The following ENPP2 variants were observed in gnomAD, a reference collection of about 807,000 sequenced individuals.
ENPP2 encodes the protein autotaxin.
In ENPP2, 51 loss-of-function variants were observed where a neutral mutation model predicts 120.2. The observed-to-expected ratio is 0.42, with a 90% CI of 0.34 to 0.54. The LOEUF (loss-of-function observed/expected upper bound fraction) is 0.54. Among genes scored for constraint, ENPP2 ranks in the 20% least tolerant of loss-of-function variants. The pLI is 0.04. For synonymous variants in ENPP2, 365 were observed against 366.4 expected (o/e 1.00, Z 0.04); for missense variants, 920 against 1,066.5 (o/e 0.86, Z 1.91).
At chr8:119,595,087 T>C (rs1333430255) in intron 11 of ENPP2, among the ~76,000 whole-genome samples, 1 of 152,244 alleles carries the variant, frequency 6.6e-6, no homozygotes, top group Non-Finnish European at 1.5e-5. Flanking sequence ...GAGAAAATCA[T>C]GCTCTGCTCC....
At chr8:119,605,634 A>ATT (rs11385264) in intron 9 of ENPP2, among the ~76,000 whole-genome samples, 61,886 of 143,496 alleles carry the variant, frequency 0.43, 13,549 homozygotes, top group African/African-American at 0.54. Context: ...CTAATTTTGT[A>ATT]TTTTTTTTTT....
chr8:119,655,744 C>T (rs945381856), intron 1 of ENPP2, among the ~76,000 whole-genome samples: 4 of 152,152 alleles, frequency 2.6e-5, no homozygotes, highest in Admixed American at 2.0e-4. Flanking sequence ...TGCAGGGGCT[C>T]ACAAAAGTTT....
At chr8:119,629,912 A>G (rs1311168435) in intron 2 of ENPP2, among the ~76,000 whole-genome samples, 2 of 152,210 alleles carry the variant, frequency 1.3e-5, no homozygotes, top group Non-Finnish European at 2.9e-5. Flanking sequence ...TCATTTCAAC[A>G]GCGTTCTAGT....
rs1482951351 is a variant in ENPP2 at position 119,644,598 on chromosome 8, A to G, written c.22-6071T>C. Among the ~76,000 whole-genome samples the G allele has an allele frequency of 8.4e-3, 738 of 88,104 alleles. 16 individuals are homozygous for G. The highest frequency in any genetic ancestry group is 0.029 in the African/African-American group (624 of 21,600). 57.8% of individuals were successfully genotyped at this position (88,104 alleles called of 152,430 possible). On this transcript the variant is annotated intron_variant, in intron 1 of 25. Coordinates refer to the ENPP2 transcript ENST00000427067. ...CTGGAGATTACTAAAATATATATAT[A>G]TATATATATATATATATATATATAT...
chr8:119,646,080 T>C (rs990591092), intron 1 of ENPP2, among the ~76,000 whole-genome samples: 19 of 151,982 alleles, frequency 1.3e-4, no homozygotes, highest in African/African-American at 4.6e-4. Flanking sequence ...GCGATTCTCC[T>C]GCCTCAGCCT....
intron 24 of ENPP2, among the ~76,000 whole-genome samples, chr8:119,560,494 T>C (rs1165155038): frequency 6.6e-6 from 1 of 152,188 alleles, no homozygotes; most frequent in Non-Finnish European, 1.5e-5. Context: ...TATAATATTG[T>C]TGTCTTCCAT....
intron 12 of ENPP2, among the ~76,000 whole-genome samples, chr8:119,591,634 A>C (rs1813514298): frequency 1.3e-5 from 2 of 152,178 alleles, no homozygotes; most frequent in African/African-American, 4.8e-5. Flanking sequence ...AAGGTTTTAA[A>C]ATAAGGAAAT....
chr8:119,634,349 T>C (rs1275568001), intron 2 of ENPP2, among the ~76,000 whole-genome samples: 1 of 152,170 alleles, frequency 6.6e-6, no homozygotes, highest in Admixed American at 6.6e-5. Flanking sequence ...TAGAATTTAA[T>C]GGCCATCAGT....
intron 2 of ENPP2, among the ~76,000 whole-genome samples, chr8:119,627,843 C>A (rs1162441242): frequency 6.9e-6 from 1 of 144,758 alleles, no homozygotes; most frequent in African/African-American, 2.6e-5. Context: ...GCCTGGGTAA[C>A]AGAGTGAAAC....
At chr8:119,634,169 T>C (rs975540960) in intron 2 of ENPP2, among the ~76,000 whole-genome samples, 1 of 149,992 alleles carries the variant, frequency 6.7e-6, no homozygotes, top group African/African-American at 2.5e-5. Context: ...GGTGACAGAA[T>C]GAGACTCTCT....
At chr8:119,659,240 C>T (rs956048808) in intron 1 of ENPP2, among the ~76,000 whole-genome samples, 1 of 149,286 alleles carries the variant, frequency 6.7e-6, no homozygotes, top group Non-Finnish European at 1.5e-5. Flanking sequence ...TTGCTTGTAC[C>T]TAGGAGAGGG....
At chr8:119,640,661 G>C (rs1412558010), upstream of ENPP2, among the ~76,000 whole-genome samples, 1 of 152,198 alleles carries the variant, frequency 6.6e-6, no homozygotes, top group African/African-American at 2.4e-5. Flanking sequence ...AGGGGGAAAA[G>C]CTGTAATAGC....
intron 1 of ENPP2, among the ~76,000 whole-genome samples, chr8:119,653,803 A>G (rs536328035): frequency 2.3e-4 from 35 of 152,078 alleles, no homozygotes; most frequent in Non-Finnish European, 4.0e-4. Context: ...TTTAATGAGC[A>G]CGCTTGTGAC....
intron 5 of ENPP2, chr8:119,618,089 G>A (rs555674366): frequency 9.1e-5 from 30 of 330,744 alleles, no homozygotes; most frequent in African/African-American, 5.8e-4. Context: ...TATGAGATCT[G>A]TTAAGGTACA....
chr8:119,561,105 C>T (rs1234308681), intron 24 of ENPP2, among the ~76,000 whole-genome samples: 5 of 152,062 alleles, frequency 3.3e-5, no homozygotes, highest in African/African-American at 1.2e-4. Context: ...CCACTATTTG[C>T]CCTCATTTCT....
At chr8:119,567,785 G>C (rs1345613036) in intron 22 of ENPP2, among the ~76,000 whole-genome samples, 2 of 152,118 alleles carry the variant, frequency 1.3e-5, no homozygotes, top group African/African-American at 4.8e-5. Flanking sequence ...AAAATATAGT[G>C]AAGACCCTTT....
At chr8:119,578,045 G>A (rs79992681) in intron 19 of ENPP2, among the ~76,000 whole-genome samples, 3 of 151,810 alleles carry the variant, frequency 2.0e-5, no homozygotes, top group Non-Finnish European at 2.9e-5. Flanking sequence ...GTGTTTTTTT[G>A]TTGTTGTTGT....
intron 13 of ENPP2, among the ~76,000 whole-genome samples, chr8:119,590,093 C>A (rs1035938218): frequency 3.9e-5 from 6 of 152,140 alleles, no homozygotes; most frequent in Non-Finnish European, 7.4e-5. Flanking sequence ...TTCTGCCAAC[C>A]CTTACATAGA....
intron 9 of ENPP2, among the ~76,000 whole-genome samples, chr8:119,606,579 A>ACTTACTT (rs1814733072): frequency 6.6e-6 from 1 of 151,328 alleles, no homozygotes; most frequent in African/African-American, 2.4e-5. Context: ...ACCTACCTAC[A>ACTTACTT]CTTACTTCTC....
Sources: gnomAD v4.1 joint callset for allele counts (sites outside exome capture counted in the v4.1 genomes callset) on GRCh38, gnomAD v4.1.1 for gene constraint, MANE v1.5 for transcripts, NCBI Gene and HGNC (gene_info 2026-07-23, HGNC 2026-07-21) for gene names.